NOMO3: variants seen among roughly 807,000 people sequenced by gnomAD.
NOMO3 encodes NODAL modulator 3.
In NOMO3, 15 loss-of-function variants were observed where a neutral mutation model predicts 69.9. The observed-to-expected ratio is 0.21, with a 90% CI of 0.14 to 0.33. The LOEUF (loss-of-function observed/expected upper bound fraction) is 0.33, where lower values mean the gene tolerates loss of function less well. NOMO3 is among the 10% of genes least tolerant of loss of function. The probability of loss-of-function intolerance (pLI) is 1.00; values close to 1 mark genes in which losing one functional copy is unlikely to be tolerated. For synonymous variants in NOMO3, 89 were observed against 301.9 expected (o/e 0.29, Z 7.31); for missense variants, 218 against 761.0 (o/e 0.29, Z 8.39).
Position 16,255,869 on chromosome 16 carries a change from T to A in NOMO3, c.1069+44T>A. 2.7e-6 allele frequency: 4 copies of A among 1,499,964 alleles called. 1 individual carries two copies. The highest frequency in any genetic ancestry group is 3.6e-6 in the Non-Finnish European group (4 of 1,120,508). 92.9% of individuals were successfully genotyped at this position (1,499,964 alleles called of 1,614,324 possible). On this transcript the variant is annotated intron_variant, in intron 10 of 30. Transcript: ENST00000399336. ...CCCAGGCTGATGGCCAGCGCTCTTTTTGGATCACAGAGAGAAATGGAGAGG... is the reference window on the plus strand; with the variant it reads ...CCCAGGCTGATGGCCAGCGCTCTTTATGGATCACAGAGAGAAATGGAGAGG...
rs947725597 is a variant in NOMO3, at chr16:16,240,762, C to G, written c.301+866C>G. Among the ~76,000 whole-genome samples the G allele has an allele frequency of 5.6e-5, 8 of 143,290 alleles. 1 individual carries two copies. The highest frequency in any genetic ancestry group is 1.2e-4 in the Non-Finnish European group (8 of 67,260). The allele number at this position is 143,290 out of a possible 152,430, so 94.0% of individuals were successfully genotyped here. ...CACCGTTGTTGATATCAGGCTTGCT[C>G]GTGCATTAGACAAGGAAGAATTTAG... On this transcript the variant is annotated intron_variant, in intron 3 of 30. Transcript: ENST00000399336.
intron 16 of NOMO3, chr16:16,267,402 C>A: frequency 2.2e-6 from 1 of 460,920 alleles, no homozygotes; most frequent in Non-Finnish European, 3.7e-6. Flanking sequence ...TGCTTAAAAT[C>A]TTTCAGTGGC....
chr16:16,255,707 C>G lies in NOMO3; in HGVS notation c.964-13C>G, dbSNP rs759515740. ...GAGCACCTTCGAGCACCTTCTTGTTCTTTGTTTTCTAGCCCGTGTTCCACG... is the reference window on the plus strand; with the variant it reads ...GAGCACCTTCGAGCACCTTCTTGTTGTTTGTTTTCTAGCCCGTGTTCCACG... On this transcript the variant is annotated splice_polypyrimidine_tract_variant and intron_variant, in intron 9 of 30. Coordinates refer to ENST00000399336, the MANE Select transcript of NOMO3 (RefSeq NM_001004067.4). 6.3e-7 allele frequency: 1 copy of G among 1,593,142 alleles called. No homozygotes were observed. The highest frequency in any genetic ancestry group is 1.1e-5 in the South Asian group (1 of 89,440).
In NOMO3 at chr16:16,245,540, A is replaced by C. The variant is rs1320452267; in HGVS notation, c.509+366A>C. On this transcript the variant is annotated intron_variant, in intron 5 of 30. Transcript: ENST00000399336. ...TCAGTCTCCACAAATAATTTAAAAA[A>C]TTATATCAAGTAGAGTCCCATGGGG... Among the ~76,000 whole-genome samples the C allele has an allele frequency of 1.4e-5, 2 of 139,688 alleles. 1 individual carries two copies. The highest frequency in any genetic ancestry group is 3.0e-5 in the Non-Finnish European group (2 of 66,708). 91.6% of individuals were successfully genotyped at this position (139,688 alleles called of 152,430 possible). A position where few individuals can be genotyped will look rare whatever the true frequency, so the allele number is the denominator to read the frequency against.
At chr16:16,274,253 G>GATGT (rs2049678973) in intron 20 of NOMO3, among the ~76,000 whole-genome samples, 178 bp downstream of exon 20, 2 of 128,082 alleles carry the variant, frequency 1.6e-5, no homozygotes, top group Admixed American at 1.6e-4. Context: ...TGGATGGATG[G>GATGT]TTGGGTTGGA....
intron 11 of NOMO3, among the ~76,000 whole-genome samples, chr16:16,258,665 C>T (rs1266178123): frequency 2.8e-5 from 4 of 142,754 alleles, no homozygotes; most frequent in African/African-American, 5.8e-5. Flanking sequence ...GGAGTTCAAG[C>T]GCAGCCTGGC....
chr16:16,243,295 C>T (rs2049389175), intron 4 of NOMO3, 34 bp downstream of exon 4: 1 of 643,270 alleles, frequency 1.6e-6, no homozygotes, highest in Admixed American at 3.0e-5. Context: ...TTTTCCTGTT[C>T]ACTCTATAAT....
rs889994324 is a variant in NOMO3 at position 16,232,738 on chromosome 16, C to T, written c.72C>T (p.Ser24=). ...VVTAAVVLLL[S]GVGPAHGSED... is the part of the protein sequence containing the mutation. ...CCGCCGCGGTGGTGCTGCTGCTGAG[C>T]GGCGTGGGGCCGGCGCACGGCTCGG... The change falls in exon 1 of 31, where the codon AGC becomes AGT. Residue 24 remains serine, a synonymous_variant. Transcript: ENST00000399336. The T allele has an allele frequency of 4.8e-5, 34 of 712,578 alleles. No homozygotes were observed. In the South Asian group the frequency reaches 1.9e-3, roughly 39 times the overall value. The allele number at this position is 712,578 out of a possible 1,614,324, so 44.1% of individuals were successfully genotyped here.
intron 4 of NOMO3, among the ~76,000 whole-genome samples, chr16:16,244,505 C>T (rs1477912835): frequency 0.011 from 971 of 90,734 alleles, 51 homozygotes; most frequent in Admixed American, 0.066. Flanking sequence ...TTTTTATGTA[C>T]ATTTACTTTT....
chr16:16,265,378 G>A (rs1209022116), intron 15 of NOMO3, 199 bp downstream of exon 15: 9 of 599,306 alleles, frequency 1.5e-5, no homozygotes, highest in Admixed American at 3.0e-5. Flanking sequence ...TATTTAGGAG[G>A]TTTCCTTGTC....
intron 1 of NOMO3, among the ~76,000 whole-genome samples, chr16:16,233,502 G>A (rs1374905357): frequency 1.1e-5 from 1 of 92,892 alleles, no homozygotes; most frequent in Non-Finnish European, 2.2e-5. Context: ...TGTGCTGAAG[G>A]TTTTTTTTTT....
At chr16:16,251,872 TA>T (rs961478099) in intron 7 of NOMO3, 90 bp from the exon 8 acceptor site, 17 of 1,144,632 alleles carry the variant, frequency 1.5e-5, no homozygotes, top group Non-Finnish European at 2.0e-5. Flanking sequence ...ACATGAAACT[TA>T]AAAAAATTTT....
At chr16:16,265,362 C>T in intron 15 of NOMO3, 183 bp downstream of exon 15, 1 of 698,558 alleles carries the variant, frequency 1.4e-6, no homozygotes, top group Non-Finnish European at 2.3e-6. Flanking sequence ...AGTGGAAGGA[C>T]CCCTGTATTT....
intron 28 of NOMO3, among the ~76,000 whole-genome samples, chr16:16,286,106 AT>A (rs2049687732): frequency 0.014 from 1 of 72 alleles, no homozygotes; most frequent in African/African-American, 0.014. Flanking sequence ...CACCCGGCTA[AT>A]TTTTTTTTTT....
chr16:16,268,369 G>T (rs2049636029), intron 16 of NOMO3, among the ~76,000 whole-genome samples: 1 of 146,040 alleles, frequency 6.8e-6, no homozygotes, highest in African/African-American at 2.7e-5. Context: ...ATGCACGAGG[G>T]TTCCGGTTTC....
rs1457490972 is a variant in NOMO3 at position 16,268,843 on chromosome 16, G to A, written c.1895-1278G>A. ...GTTAGAAAACTTATGTTTAAAGGAG[G>A]AAGTCAAGGAGAGGGCAGGCAAACA... On this transcript the variant is annotated intron_variant, in intron 16 of 30. Transcript: ENST00000399336. 1.9e-4 allele frequency among the ~76,000 whole-genome samples: 28 copies of A among 143,934 alleles called. 2 individuals carry two copies. The highest frequency in any genetic ancestry group is 5.4e-4 in the African/African-American group (19 of 35,032). The allele number at this position is 143,934 out of a possible 152,430, so 94.4% of individuals were successfully genotyped here.
At chr16:16,270,207 T>A in intron 17 of NOMO3, 23 bp downstream of exon 17, 1 of 1,531,040 alleles carries the variant, frequency 6.5e-7, no homozygotes, top group Non-Finnish European at 8.8e-7. Context: ...ATTGAATGCT[T>A]TGTGGTGTTT....
intron 1 of NOMO3, among the ~76,000 whole-genome samples, chr16:16,235,439 C>T (rs1259808896): frequency 1.3e-5 from 2 of 148,988 alleles, no homozygotes; most frequent in Admixed American, 6.6e-5. Flanking sequence ...ATGTTCCCTA[C>T]GTATTACACT....
rs71378236 is a variant in NOMO3 at position 16,245,505 on chromosome 16, A to T, written c.509+331A>T. 5.6e-5 allele frequency among the ~76,000 whole-genome samples: 8 copies of T among 143,504 alleles called. 2 individuals carry two copies. The East Asian group carries it at 6.8e-4, about 12-fold the overall frequency. 94.1% of individuals were successfully genotyped at this position (143,504 alleles called of 152,430 possible). On this transcript the variant is annotated intron_variant, in intron 5 of 30. Coordinates refer to ENST00000399336, the MANE Select transcript of NOMO3 (RefSeq NM_001004067.4). ...GGAGTTCGAGACCAGCCTGGACAAC[A>T]TAGGGAGACTCAGTCTCCACAAATA...
Sources: gnomAD v4.1 joint callset for allele counts (sites outside exome capture counted in the v4.1 genomes callset) on GRCh38, gnomAD v4.1.1 for gene constraint, MANE v1.5 for transcripts, NCBI Gene and HGNC (gene_info 2026-07-23, HGNC 2026-07-21) for gene names.